Variants in NPRL3 observed in about 807,000 individuals in gnomAD.
NPRL3 encodes the protein NPR3 like, GATOR1 complex subunit, also known as GATOR1 complex protein NPRL3.
A neutral mutation model predicts 57.2 loss-of-function variants in NPRL3; 23 were observed. The observed-to-expected ratio is 0.40, with a 90% confidence interval of 0.29 to 0.57. The LOEUF is 0.57. NPRL3 is among the 20% of genes least tolerant of loss of function. NPRL3 has a pLI of 0.42. For missense variants in NPRL3, 691 were observed against 767.1 expected, an observed-to-expected ratio of 0.90 and a Z score of 1.17; for synonymous variants, 333 against 321.1, an observed-to-expected ratio of 1.04 and a Z score of -0.39.
chr16:94,594 TTTTA>T (rs1159035105), intron 9 of NPRL3, among the ~76,000 whole-genome samples: 2 of 152,076 alleles, frequency 1.3e-5, no homozygotes, highest in Non-Finnish European at 2.9e-5. Flanking sequence ...TGCCAAAAAT[TTTTA>T]TTTAATTAGC....
intron 9 of NPRL3, among the ~76,000 whole-genome samples, chr16:95,237 A>G (rs1425986462): frequency 2.0e-5 from 3 of 151,716 alleles, no homozygotes; most frequent in Admixed American, 6.6e-5. Flanking sequence ...TAGGATGTGT[A>G]TATCTGTGGG....
At chr16:112,497 G>A in intron 6 of NPRL3, 125 bp downstream of exon 6, 1 of 950,254 alleles carries the variant, frequency 1.1e-6, no homozygotes, top group South Asian at 3.1e-5. Context: ...TGGTGTTGGG[G>A]TGGGTGAGGC....
intron 7 of NPRL3, among the ~76,000 whole-genome samples, chr16:107,594 CA>C (rs11309723): frequency 0.48 from 62,751 of 130,384 alleles, 15,052 homozygotes; most frequent in African/African-American, 0.66. Flanking sequence ...TATTCCATCT[CA>C]AAAAAAAAAA....
chr16:96,864 G>A (rs1899030474), intron 9 of NPRL3, among the ~76,000 whole-genome samples: 1 of 152,144 alleles, frequency 6.6e-6, no homozygotes, highest in Non-Finnish European at 1.5e-5. Context: ...GAGATACAGA[G>A]GCGGGAGACT....
intron 6 of NPRL3, among the ~76,000 whole-genome samples, chr16:111,142 G>A (rs904408266): frequency 1.3e-5 from 2 of 152,050 alleles, no homozygotes; most frequent in Non-Finnish European, 2.9e-5. Flanking sequence ...GCTCACACCT[G>A]TAATCCCAGC....
intron 3 of NPRL3, among the ~76,000 whole-genome samples, chr16:122,309 G>C (rs1900317835): frequency 6.6e-6 from 1 of 151,770 alleles, no homozygotes; most frequent in Non-Finnish European, 1.5e-5. Flanking sequence ...ACGTTGGCCA[G>C]GCTGGTCTCG....
chr16:94,903 A>G (rs992456651), intron 9 of NPRL3, among the ~76,000 whole-genome samples: 1 of 152,110 alleles, frequency 6.6e-6, no homozygotes, highest in Non-Finnish European at 1.5e-5. Flanking sequence ...GATGCTGTCC[A>G]TTCTGGAAAT....
At chr16:89,242 C>A in intron 12 of NPRL3, 1 of 312,808 alleles carries the variant, frequency 3.2e-6, no homozygotes, top group Non-Finnish European at 6.0e-6. Flanking sequence ...AAGCATGAAG[C>A]CTACAGCCAG....
chr16:123,879 C>T (rs548702000), intron 3 of NPRL3, among the ~76,000 whole-genome samples: 2 of 120,554 alleles, frequency 1.7e-5, no homozygotes, highest in Non-Finnish European at 3.4e-5. Context: ...ACACTCCCCA[C>T]GCTGAGAAAC....
At position 102,982 on chromosome 16, in the gene NPRL3, G is replaced by C. The variant is rs577868331; in HGVS notation, c.630-2473C>G. Among the ~76,000 whole-genome samples, 3 of 152,222 alleles carry C rather than the reference G, an allele frequency of 2.0e-5. No individual in the cohort carries two copies. The South Asian group carries it at 6.2e-4, about 32-fold the overall frequency. On this transcript the variant is annotated intron_variant, in intron 7 of 13. Transcript: ENST00000611875. ...AGGAATTAAAGATCACACCAGGAGA[G>C]ATTTGTCCAGGGGATCCAGGTTACT...
intron 7 of NPRL3, among the ~76,000 whole-genome samples, chr16:100,970 CAAAA>C (rs59640237): frequency 3.9e-4 from 14 of 36,118 alleles, no homozygotes; most frequent in South Asian, 3.5e-3. Flanking sequence ...GACTCTGTCT[CAAAA>C]AAAAAAAAAA....
Position 103,296 on chromosome 16 carries a change from A to ATTTTTTTTTTTTTTTTTTT in NPRL3, c.630-2806_630-2788dup, listed in dbSNP as rs533871530. Among the ~76,000 whole-genome samples the ATTTTTTTTTTTTTTTTTTT allele has an allele frequency of 1.2e-3, 49 of 42,120 alleles. 11 individuals are homozygous for ATTTTTTTTTTTTTTTTTTT. The highest frequency in any genetic ancestry group is 1.4e-3 in the African/African-American group (13 of 9,538). The allele number at this position is 42,120 out of a possible 152,430, so 27.6% of individuals were successfully genotyped here. A position where few individuals can be genotyped will look rare whatever the true frequency, so the allele number is the denominator to read the frequency against. Reference sequence around the variant, plus strand: ...GACGTGCAACATCACGCCTGGGGTGATTTTTTTTTTTTTTTTTTTTTTTTT... The same window carrying ATTTTTTTTTTTTTTTTTTT: ...GACGTGCAACATCACGCCTGGGGTGATTTTTTTTTTTTTTTTTTTTTTTTTTTTTTTTTTTTTTTTTTTT... On this transcript the variant is annotated intron_variant, in intron 7 of 13. Coordinates refer to ENST00000611875, the MANE Select transcript of NPRL3 (RefSeq NM_001077350.3).
At chr16:113,921 C>A (rs1596523505) in intron 5 of NPRL3, among the ~76,000 whole-genome samples, 1 of 152,208 alleles carries the variant, frequency 6.6e-6, no homozygotes, top group East Asian at 1.9e-4. Context: ...AAGGCAGCAT[C>A]CCTTGCCAGA....
In NPRL3 at chr16:130,496, C is replaced by A. The variant is rs375702678; in HGVS notation, c.188+26G>T. On this transcript the variant is annotated intron_variant, in intron 3 of 13. Coordinates refer to ENST00000611875, the MANE Select transcript of NPRL3 (RefSeq NM_001077350.3). ...AGGCCTGGGACCAGGACACGCCCCG[C>A]CCTGAAGTGGCCGCAGAGCCTTTAC... The A allele has an allele frequency of 1.1e-4, 165 of 1,545,804 alleles. No homozygotes were observed. The African/African-American group carries it at 2.1e-3, about 20-fold the overall frequency.
At chr16:116,113 C>T (rs1198142818) in intron 5 of NPRL3, among the ~76,000 whole-genome samples, 1 of 152,140 alleles carries the variant, frequency 6.6e-6, no homozygotes, top group Non-Finnish European at 1.5e-5. Context: ...GAGGTGAGGG[C>T]CTGCCTACAG....
At position 85,397 on chromosome 16, in the gene NPRL3, A is replaced by G. The variant is rs1340445856; in HGVS notation, c.*1308T>C. ...GCTCCACTTCCAAACTGTCCGTCCC[A>G]CAGGGGACGGGGCTTGCGTCTTGCT... On this transcript the variant is annotated 3_prime_UTR_variant, in exon 14 of 14. Transcript: ENST00000611875. The G allele has an allele frequency of 6.3e-7, 1 of 1,598,962 alleles. No individual in the cohort carries two copies. The highest frequency in any genetic ancestry group is 1.1e-5 in the South Asian group (1 of 90,184).
chr16:113,136 A>G (rs929718638), intron 5 of NPRL3, among the ~76,000 whole-genome samples: 2 of 152,204 alleles, frequency 1.3e-5, no homozygotes, highest in Non-Finnish European at 2.9e-5. Context: ...GAAATTAGCG[A>G]GCCATGTAAC....
chr16:132,437 A>G (rs146447719), intron 2 of NPRL3, among the ~76,000 whole-genome samples: 240 of 152,262 alleles, frequency 1.6e-3, no homozygotes, highest in Admixed American at 4.8e-3. Context: ...TATTTCCACC[A>G]TATCTGCAGT....
intron 7 of NPRL3, among the ~76,000 whole-genome samples, chr16:108,298 C>A (rs190757975): frequency 6.6e-6 from 1 of 152,294 alleles, no homozygotes; most frequent in African/African-American, 2.4e-5. Context: ...TGCATCAGTG[C>A]ATCACAATAA....
Sources: allele counts gnomAD v4.1 joint callset (sites outside exome capture counted in the v4.1 genomes callset), GRCh38; gene constraint gnomAD v4.1.1; transcripts MANE v1.5; gene names NCBI Gene and HGNC (gene_info 2026-07-23, HGNC 2026-07-21).